The following CCDC149 variants were observed in gnomAD, a reference collection of about 807,000 sequenced individuals.
The protein encoded by CCDC149 is coiled-coil domain containing 149, also known as coiled-coil domain-containing protein 149.
CCDC149 carries 45 observed loss-of-function variants against 59.9 expected under a neutral mutation model. That is an observed-to-expected ratio of 0.75 (90% confidence interval 0.59 to 0.96). CCDC149 has a LOEUF of 0.96. Ranked by LOEUF, CCDC149 falls within the 40% of genes least tolerant of loss-of-function variation. The probability of loss-of-function intolerance (pLI) is 0.00; values close to 1 mark genes in which losing one functional copy is unlikely to be tolerated. For missense variants in CCDC149, 584 were observed against 664.7 expected (o/e 0.88, Z 1.33); for synonymous variants, 245 against 260.6 (o/e 0.94, Z 0.58).
At chr4:24,967,239 G>A (rs1441868659) in intron 1 of CCDC149, among the ~76,000 whole-genome samples, 2 of 152,084 alleles carry the variant, frequency 1.3e-5, no homozygotes, top group Admixed American at 6.6e-5. Context: ...CCACAACCAC[G>A]ATGGGTTACT....
chr4:24,819,890 C>A lies in CCDC149; in HGVS notation c.1161G>T (p.Gln387His). ...TGGGATCTGCTTTGTTCTCAGTGGG[C>A]TGCTCGACAAACTTCAGCAGTGGGG... is the stretch of plus-strand genomic sequence containing the variant. The change falls in exon 12 of 13, where the codon CAG becomes CAT. Residue 387 changes from glutamine to histidine, a missense_variant. Transcript: ENST00000635206. 1.9e-6 allele frequency: 3 copies of A among 1,551,688 alleles called. No individual in the cohort carries two copies. Among genetic ancestry groups the A allele is most frequent in the Non-Finnish European group, 2.6e-6 (3 of 1,146,986 alleles).
At chr4:24,936,055 A>C (rs975229791) in intron 1 of CCDC149, among the ~76,000 whole-genome samples, 3 of 152,194 alleles carry the variant, frequency 2.0e-5, no homozygotes. Context: ...TGCTGATATT[A>C]GTCAACTCAG....
intron 1 of CCDC149, among the ~76,000 whole-genome samples, chr4:24,929,251 CT>C (rs1722518880): frequency 6.6e-6 from 1 of 152,262 alleles, no homozygotes; most frequent in East Asian, 1.9e-4. Flanking sequence ...GTCTGCAGCA[CT>C]TTTTCTCATG....
At chr4:24,821,728 G>A (rs2109108173) in intron 10 of CCDC149, among the ~76,000 whole-genome samples, 1 of 152,282 alleles carries the variant, frequency 6.6e-6, no homozygotes, top group African/African-American at 2.4e-5. Context: ...AAGGGGAGAT[G>A]GTGGAAATGG....
intron 1 of CCDC149, among the ~76,000 whole-genome samples, chr4:24,961,674 A>T (rs1723639315): frequency 6.6e-6 from 1 of 152,240 alleles, no homozygotes; most frequent in Admixed American, 6.5e-5. Flanking sequence ...CAACTATCTG[A>T]TCTTTGACAA....
At chr4:24,820,678 C>A (rs1207378825) in intron 11 of CCDC149, among the ~76,000 whole-genome samples, 2 of 152,162 alleles carry the variant, frequency 1.3e-5, no homozygotes, top group Admixed American at 1.3e-4. Flanking sequence ...TCACCATGGT[C>A]TGAAAACATC....
intron 1 of CCDC149, among the ~76,000 whole-genome samples, chr4:24,905,752 T>C (rs1721468663): frequency 6.6e-6 from 1 of 152,216 alleles, no homozygotes; most frequent in African/African-American, 2.4e-5. Flanking sequence ...TATTTCTTAA[T>C]GGGACCCTCC....
intron 1 of CCDC149, among the ~76,000 whole-genome samples, chr4:24,952,595 CAAAAA>C (rs869310845): frequency 1.4e-4 from 6 of 41,408 alleles, no homozygotes; most frequent in African/African-American, 7.4e-4. Context: ...AACTCCATCT[CAAAAA>C]AAAAAAAAAA....
chr4:24,867,905 G>T (rs1252606704), intron 3 of CCDC149, among the ~76,000 whole-genome samples: 4 of 152,206 alleles, frequency 2.6e-5, no homozygotes, highest in African/African-American at 9.7e-5. Flanking sequence ...AGGCCAGTGG[G>T]CAATAATACG....
chr4:24,906,396 T>TTTTATTTTATTTATTTTA (rs1721527770), intron 1 of CCDC149, among the ~76,000 whole-genome samples: 4 of 41,766 alleles, frequency 9.6e-5, no homozygotes, highest in African/African-American at 2.1e-4. Context: ...TTTTATTTTA[T>TTTTATTTTATTTATTTTA]TTTATTTTAT....
intron 2 of CCDC149, among the ~76,000 whole-genome samples, chr4:24,875,079 C>T (rs1211883949): frequency 2.6e-5 from 4 of 152,090 alleles, no homozygotes; most frequent in African/African-American, 4.8e-5. Context: ...GAGGGCGAGG[C>T]GGGCAGATCA....
At chr4:24,947,265 G>T (rs972904720) in intron 1 of CCDC149, among the ~76,000 whole-genome samples, 29 of 152,060 alleles carry the variant, frequency 1.9e-4, no homozygotes, top group Non-Finnish European at 4.4e-5. Context: ...TCATGGGGGT[G>T]GTTACCCTCA....
chr4:24,943,180 GT>G (rs1394356953), intron 1 of CCDC149, among the ~76,000 whole-genome samples: 2 of 152,150 alleles, frequency 1.3e-5, no homozygotes, highest in Non-Finnish European at 1.5e-5. Flanking sequence ...AAACAGCATG[GT>G]ACTGGTACCA....
chr4:24,821,390 G>A (rs566505994), intron 10 of CCDC149, among the ~76,000 whole-genome samples: 3 of 152,310 alleles, frequency 2.0e-5, no homozygotes, highest in African/African-American at 7.2e-5. Context: ...CCTAGAAGAT[G>A]AGGTTTTAAC....
chr4:24,961,553 C>A (rs1308570905), intron 1 of CCDC149, among the ~76,000 whole-genome samples: 2 of 152,204 alleles, frequency 1.3e-5, no homozygotes, highest in African/African-American at 4.8e-5. Context: ...TACCTGACTT[C>A]AAGCTGCACT....
intron 1 of CCDC149, among the ~76,000 whole-genome samples, chr4:24,951,373 C>T (rs1297412460): frequency 6.6e-6 from 1 of 152,102 alleles, no homozygotes; most frequent in Admixed American, 6.5e-5. Context: ...TTTTAAACAG[C>T]AAATATGCCA....
rs1048724331 is a variant in CCDC149 at position 24,819,985 on chromosome 4, A to G, written c.1076-10T>C. Reference sequence around the variant, plus strand: ...ATGGTGTCCTTGCCCCCTGTTGCAGAAAAGAGGAAAATGGATGTCTTATAT... The same window carrying G: ...ATGGTGTCCTTGCCCCCTGTTGCAGGAAAGAGGAAAATGGATGTCTTATAT... On this transcript the variant is annotated splice_polypyrimidine_tract_variant and intron_variant, in intron 11 of 12. Coordinates refer to ENST00000635206, the MANE Select transcript of CCDC149 (RefSeq NM_001330643.2). 3.0e-5 allele frequency: 46 copies of G among 1,539,742 alleles called. No homozygotes were observed. The Middle Eastern group carries it at 6.8e-4, about 23-fold the overall frequency.
At chr4:24,812,552 C>T (rs1368299696) in intron 12 of CCDC149, among the ~76,000 whole-genome samples, 2 of 152,170 alleles carry the variant, frequency 1.3e-5, no homozygotes, top group African/African-American at 2.4e-5. Context: ...TTTGCAGTTT[C>T]GGTAATGCTT....
intron 12 of CCDC149, among the ~76,000 whole-genome samples, chr4:24,814,172 T>A (rs1301588174): frequency 1.3e-5 from 2 of 152,234 alleles, no homozygotes; most frequent in East Asian, 3.8e-4. Context: ...TTTATTCTCC[T>A]AAGAATTCAC....
Sources: gnomAD v4.1 joint callset for allele counts (sites outside exome capture counted in the v4.1 genomes callset) on GRCh38, gnomAD v4.1.1 for gene constraint, MANE v1.5 for transcripts, NCBI Gene and HGNC (gene_info 2026-07-23, HGNC 2026-07-21) for gene names.